LRRC4C: variants seen among roughly 807,000 people sequenced by gnomAD.
The protein encoded by LRRC4C is leucine rich repeat containing 4C, also known as leucine-rich repeat-containing protein 4C.
Under a neutral mutation model 33.6 loss-of-function variants are expected in LRRC4C, and 5 were observed. The observed-to-expected ratio is 0.15, with a 90% confidence interval of 0.08 to 0.31. LRRC4C has a LOEUF of 0.31. LRRC4C is among the 10% of genes least tolerant of loss of function. The pLI is 1.00. For missense variants in LRRC4C, 560 were observed against 796.7 expected, an observed-to-expected ratio of 0.70 and a Z score of 3.58; for synonymous variants, 329 against 302.0, an observed-to-expected ratio of 1.09 and a Z score of -0.93.
At chr11:41,222,703 C>T (rs545974779) in intron 1 of LRRC4C, 3 of 152,114 alleles carry the variant, frequency 2.0e-5, no homozygotes, top group Non-Finnish European at 2.9e-5. Context: ...AACCAGGCAG[C>T]TTATAAGCCC....
intron 3 of LRRC4C, among the ~76,000 whole-genome samples, chr11:40,579,915 C>T (rs759747628): frequency 6.6e-5 from 10 of 152,206 alleles, no homozygotes; most frequent in Non-Finnish European, 1.2e-4. Flanking sequence ...CTTTTACTTT[C>T]TGTCTCACAT....
intron 3 of LRRC4C, among the ~76,000 whole-genome samples, chr11:40,465,608 A>C (rs989460851): frequency 1.2e-4 from 18 of 152,072 alleles, no homozygotes; most frequent in Non-Finnish European, 1.5e-4. Flanking sequence ...AACAAGAAAA[A>C]AAAATAACCC....
chr11:40,901,783 T>C (rs558859137), intron 2 of LRRC4C, among the ~76,000 whole-genome samples: 2 of 151,936 alleles, frequency 1.3e-5, no homozygotes, highest in African/African-American at 2.4e-5. Flanking sequence ...AGCAACTGGA[T>C]TGATTCAAAG....
chr11:41,089,187 C>T (rs946011483), intron 1 of LRRC4C, among the ~76,000 whole-genome samples: 2 of 151,988 alleles, frequency 1.3e-5, no homozygotes, highest in African/African-American at 4.8e-5. Flanking sequence ...TTCTTGTTCA[C>T]TTTCTATACT....
intron 2 of LRRC4C, among the ~76,000 whole-genome samples, chr11:40,875,836 G>T (rs1340479579): frequency 1.3e-5 from 2 of 152,024 alleles, no homozygotes; most frequent in African/African-American, 4.8e-5. Context: ...TTATCACATT[G>T]TAATATATAT....
chr11:41,405,838 C>A (rs1250082573), intron 1 of LRRC4C, among the ~76,000 whole-genome samples: 6 of 152,172 alleles, frequency 3.9e-5, no homozygotes, highest in African/African-American at 1.2e-4. Context: ...TCAACCTCTG[C>A]AAGGTACTAA....
At chr11:41,455,050 T>C (rs1279259529) in intron 1 of LRRC4C, among the ~76,000 whole-genome samples, 1 of 152,140 alleles carries the variant, frequency 6.6e-6, no homozygotes, top group South Asian at 2.1e-4. Flanking sequence ...GTATCTGATC[T>C]CATTCTATTC....
intron 1 of LRRC4C, among the ~76,000 whole-genome samples, chr11:41,321,116 C>A (rs750685376): frequency 2.6e-5 from 4 of 152,066 alleles, no homozygotes; most frequent in Non-Finnish European, 4.4e-5. Context: ...TAAACTAGGC[C>A]CACTAATAAT....
chr11:41,316,806 C>T (rs1238263485), intron 1 of LRRC4C, among the ~76,000 whole-genome samples: 1 of 152,234 alleles, frequency 6.6e-6, no homozygotes, highest in Non-Finnish European at 1.5e-5. Flanking sequence ...CACCACCACT[C>T]TCTTTTTCCC....
intron 1 of LRRC4C, among the ~76,000 whole-genome samples, chr11:41,172,986 A>G (rs896344929): frequency 2.6e-5 from 4 of 152,140 alleles, no homozygotes; most frequent in African/African-American, 9.7e-5. Flanking sequence ...AAGTTCCCCC[A>G]GTTAGTTAGT....
chr11:40,130,867 C>A (rs1590458746), intron 6 of LRRC4C, among the ~76,000 whole-genome samples: 1 of 152,148 alleles, frequency 6.6e-6, no homozygotes, highest in African/African-American at 2.4e-5. Context: ...ATTGAAATTA[C>A]CTACTCTGAT....
At chr11:40,364,244 A>C (rs1388346664) in intron 3 of LRRC4C, among the ~76,000 whole-genome samples, 1 of 152,120 alleles carries the variant, frequency 6.6e-6, no homozygotes, top group African/African-American at 2.4e-5. Flanking sequence ...TAAAACAAAC[A>C]AAAAAATCAG....
At chr11:40,788,539 G>T (rs1950501790) in intron 2 of LRRC4C, among the ~76,000 whole-genome samples, 1 of 152,152 alleles carries the variant, frequency 6.6e-6, no homozygotes, top group South Asian at 2.1e-4. Flanking sequence ...TAGGTTAATT[G>T]ATACTGCTGC....
intron 1 of LRRC4C, among the ~76,000 whole-genome samples, chr11:41,271,983 A>G (rs545871313): frequency 5.0e-4 from 76 of 152,150 alleles, no homozygotes; most frequent in Non-Finnish European, 9.6e-4. Context: ...TGATACAAAG[A>G]GGCTAAATGG....
chr11:41,124,620 TAGAC>T (rs1053147274), intron 1 of LRRC4C, among the ~76,000 whole-genome samples: 55 of 152,330 alleles, frequency 3.6e-4, no homozygotes, highest in Admixed American at 3.1e-3. Flanking sequence ...TCTATAAACA[TAGAC>T]AGTCATTAAC....
Position 40,744,766 on chromosome 11 carries a change from T to C in LRRC4C, c.-406-96488A>G, listed in dbSNP as rs1406514206. On this transcript the variant is annotated intron_variant, in intron 2 of 6. Coordinates refer to ENST00000528697, the MANE Select transcript of LRRC4C (RefSeq NM_001258419.2). The stretch of plus-strand genomic sequence containing the variant: ...ATCAATGGCAATGCTATGCTGTAAG[T>C]CCAAAACTATTTGACAGCAAAGTCC... 2.0e-5 allele frequency among the ~76,000 whole-genome samples: 3 copies of C among 152,244 alleles called. No individual in the cohort carries two copies. In the East Asian group the frequency reaches 5.8e-4, roughly 29 times the overall value.
intron 2 of LRRC4C, among the ~76,000 whole-genome samples, chr11:40,894,129 C>T (rs576785264): frequency 6.6e-6 from 1 of 152,076 alleles, no homozygotes; most frequent in Non-Finnish European, 1.5e-5. Context: ...TTCTCTAATG[C>T]TAAAATTGTT....
At chr11:41,329,627 C>T (rs1951230280) in intron 1 of LRRC4C, among the ~76,000 whole-genome samples, 1 of 152,206 alleles carries the variant, frequency 6.6e-6, no homozygotes, top group South Asian at 2.1e-4. Flanking sequence ...ATTCCTTACT[C>T]CTTGCGATTT....
intron 1 of LRRC4C, among the ~76,000 whole-genome samples, chr11:41,370,298 C>A (rs1227733726): frequency 6.6e-6 from 1 of 152,140 alleles, no homozygotes; most frequent in Non-Finnish European, 1.5e-5. Context: ...ATCCTCCCAC[C>A]TCAGCCTACT....
Sources: gnomAD v4.1 joint callset for allele counts (sites outside exome capture counted in the v4.1 genomes callset) on GRCh38, gnomAD v4.1.1 for gene constraint, MANE v1.5 for transcripts, NCBI Gene and HGNC (gene_info 2026-07-23, HGNC 2026-07-21) for gene names.